CRPPA: variants seen among roughly 807,000 people sequenced by gnomAD.
CRPPA encodes D-ribitol-5-phosphate cytidylyltransferase.
A neutral mutation model predicts 52.0 loss-of-function variants in CRPPA; 43 were observed. That is an observed-to-expected ratio of 0.83 (90% CI 0.65 to 1.07). The LOEUF (loss-of-function observed/expected upper bound fraction) is 1.07. Ranked by LOEUF, CRPPA falls within the 50% of genes least tolerant of loss-of-function variation. CRPPA has a pLI of 0.00. For missense variants in CRPPA, 629 were observed against 551.7 expected (o/e 1.14, Z -1.40); for synonymous variants, 250 against 203.5 (o/e 1.23, Z -1.94).
chr7:16,288,767 A>G (rs1369805120), intron 5 of CRPPA, among the ~76,000 whole-genome samples: 2 of 143,798 alleles, frequency 1.4e-5, no homozygotes, highest in Non-Finnish European at 3.0e-5. Context: ...AATTGCTTCA[A>G]CCGGGGAAGA....
chr7:16,338,471 A>G (rs138861089), intron 3 of CRPPA, among the ~76,000 whole-genome samples: 2 of 152,258 alleles, frequency 1.3e-5, no homozygotes, highest in Non-Finnish European at 2.9e-5. Flanking sequence ...CTCTAAGATT[A>G]GGGATGAGAC....
At chr7:16,239,729 A>T (rs1783056149) in intron 8 of CRPPA, among the ~76,000 whole-genome samples, 1 of 152,168 alleles carries the variant, frequency 6.6e-6, no homozygotes, top group African/African-American at 2.4e-5. Flanking sequence ...ATTTCATCTT[A>T]AATGTTATAA....
intron 3 of CRPPA, among the ~76,000 whole-genome samples, chr7:16,374,926 A>C (rs967918610): frequency 2.6e-5 from 4 of 152,180 alleles, no homozygotes; most frequent in African/African-American, 9.7e-5. Context: ...TCTTAGATCA[A>C]TTCCAACAAG....
chr7:16,181,117 G>C (rs965222789), intron 9 of CRPPA, among the ~76,000 whole-genome samples: 1 of 151,774 alleles, frequency 6.6e-6, no homozygotes, highest in African/African-American at 2.4e-5. Flanking sequence ...CTCTACTACA[G>C]TCAAAATTTT....
At chr7:16,346,828 A>G (rs1786025636) in intron 3 of CRPPA, among the ~76,000 whole-genome samples, 1 of 151,998 alleles carries the variant, frequency 6.6e-6, no homozygotes. Flanking sequence ...CCACTACTAT[A>G]AAAACCTCAC....
At chr7:16,160,769 C>G (rs780860147) in intron 9 of CRPPA, among the ~76,000 whole-genome samples, 4 of 152,160 alleles carry the variant, frequency 2.6e-5, no homozygotes, top group African/African-American at 4.8e-5. Flanking sequence ...TGGCCATTTT[C>G]ACGATATTGA....
At chr7:16,398,799 A>T (rs1451254707) in intron 2 of CRPPA, among the ~76,000 whole-genome samples, 1 of 152,248 alleles carries the variant, frequency 6.6e-6, no homozygotes, top group Non-Finnish European at 1.5e-5. Context: ...CACGTGATTA[A>T]CATGATTGAA....
intron 9 of CRPPA, among the ~76,000 whole-genome samples, chr7:16,139,166 G>A (rs1251553245): frequency 6.6e-6 from 1 of 152,168 alleles, no homozygotes; most frequent in Non-Finnish European, 1.5e-5. Flanking sequence ...TTGAGGAAGA[G>A]GCAGCGTGGA....
intron 2 of CRPPA, among the ~76,000 whole-genome samples, chr7:16,385,106 G>A (rs535477639): frequency 2.0e-5 from 3 of 151,798 alleles, no homozygotes; most frequent in South Asian, 2.1e-4. Flanking sequence ...ATAAATAGAC[G>A]TAATACAATC....
chr7:16,204,834 T>C (rs754151457), intron 9 of CRPPA, among the ~76,000 whole-genome samples: 9 of 152,206 alleles, frequency 5.9e-5, no homozygotes, highest in Non-Finnish European at 1.0e-4. Flanking sequence ...TAGAATCAAA[T>C]GTAGTAACTT....
chr7:16,322,941 T>G (rs1583518441), intron 3 of CRPPA, among the ~76,000 whole-genome samples: 1 of 152,038 alleles, frequency 6.6e-6, no homozygotes, highest in African/African-American at 2.4e-5. Context: ...GGAGAGAGAA[T>G]GAGAGCAAGC....
At chr7:16,395,347 A>T (rs1787542802) in intron 2 of CRPPA, among the ~76,000 whole-genome samples, 1 of 152,206 alleles carries the variant, frequency 6.6e-6, no homozygotes, top group South Asian at 2.1e-4. Context: ...AGGCACTAAC[A>T]TGCATTTCTC....
At chr7:16,214,993 G>C (rs910914540) in intron 9 of CRPPA, among the ~76,000 whole-genome samples, 1 of 152,134 alleles carries the variant, frequency 6.6e-6, no homozygotes, top group Non-Finnish European at 1.5e-5. Flanking sequence ...TGATAACTGA[G>C]GTCATGCTTG....
chr7:16,400,140 A>G (rs1787768286), intron 2 of CRPPA, among the ~76,000 whole-genome samples: 3 of 152,190 alleles, frequency 2.0e-5, no homozygotes, highest in African/African-American at 7.2e-5. Context: ...AACATGGTTG[A>G]CACGTGATTG....
intron 6 of CRPPA, among the ~76,000 whole-genome samples, chr7:16,265,805 A>G (rs1783937384): frequency 6.6e-6 from 1 of 152,236 alleles, no homozygotes; most frequent in Admixed American, 6.5e-5. Flanking sequence ...ACTGCATAGT[A>G]CACCTATGCA....
At chr7:16,405,952 T>C in intron 2 of CRPPA, 109 bp downstream of exon 2, 1 of 993,524 alleles carries the variant, frequency 1.0e-6, no homozygotes. Flanking sequence ...TAGGTCATCA[T>C]GCACATTTTA....
At chr7:16,248,821 A>G (rs1783353107) in intron 8 of CRPPA, among the ~76,000 whole-genome samples, 1 of 152,142 alleles carries the variant, frequency 6.6e-6, no homozygotes, top group African/African-American at 2.4e-5. Flanking sequence ...AAGGGAAGCC[A>G]TGACAGACTG....
chr7:16,402,487 C>T (rs1056905016), intron 2 of CRPPA, among the ~76,000 whole-genome samples: 2 of 151,792 alleles, frequency 1.3e-5, no homozygotes, highest in Non-Finnish European at 2.9e-5. Flanking sequence ...AAATTATGAA[C>T]AAAAGTAAAC....
At chr7:16,384,263 C>G (rs1261377261) in intron 2 of CRPPA, among the ~76,000 whole-genome samples, 1 of 152,102 alleles carries the variant, frequency 6.6e-6, no homozygotes, top group Admixed American at 6.5e-5. Flanking sequence ...AGGGAACTCA[C>G]TTTATTTGGA....
Sources: allele counts gnomAD v4.1 joint callset (sites outside exome capture counted in the v4.1 genomes callset), GRCh38; gene constraint gnomAD v4.1.1; transcripts MANE v1.5; gene names NCBI Gene and HGNC (gene_info 2026-07-23, HGNC 2026-07-21).